Variants in PXDNL observed in about 807,000 individuals in gnomAD.
The protein encoded by PXDNL is peroxidasin like.
PXDNL carries 145 observed loss-of-function variants against 150.8 expected under a neutral mutation model. The observed-to-expected ratio is 0.96, with a 90% CI of 0.84 to 1.10. PXDNL has a LOEUF of 1.10. Ranked by LOEUF, PXDNL falls within the 50% of genes least tolerant of loss-of-function variation. The probability of loss-of-function intolerance (pLI) is 0.00; values close to 1 mark genes in which losing one functional copy is unlikely to be tolerated. For synonymous variants in PXDNL, 757 were observed against 725.7 expected (o/e 1.04, Z -0.69); for missense variants, 2,087 against 1,873.9 (o/e 1.11, Z -2.10).
chr8:51,700,136 A>G (rs1816221137), intron 1 of PXDNL, among the ~76,000 whole-genome samples: 1 of 151,142 alleles, frequency 6.6e-6, no homozygotes, highest in Non-Finnish European at 1.5e-5. Flanking sequence ...AATGCAATAA[A>G]GTGAAGTGCA....
intron 14 of PXDNL, among the ~76,000 whole-genome samples, chr8:51,420,765 T>C (rs983363229): frequency 6.6e-6 from 1 of 152,196 alleles, no homozygotes; most frequent in African/African-American, 2.4e-5. Flanking sequence ...ATCTTGACAC[T>C]GCAACATCCA....
At chr8:51,631,924 T>C (rs1281749186) in intron 2 of PXDNL, among the ~76,000 whole-genome samples, 1 of 151,916 alleles carries the variant, frequency 6.6e-6, no homozygotes, top group African/African-American at 2.4e-5. Flanking sequence ...AAGGTAGTAA[T>C]GGAGGAGAAG....
intron 3 of PXDNL, among the ~76,000 whole-genome samples, chr8:51,591,606 G>A (rs1259929088): frequency 6.6e-6 from 1 of 151,082 alleles, no homozygotes; most frequent in African/African-American, 2.4e-5. Context: ...GTATAAAAAT[G>A]TTCATTATCG....
chr8:51,581,249 G>A (rs568008293), intron 3 of PXDNL, among the ~76,000 whole-genome samples: 1 of 152,230 alleles, frequency 6.6e-6, no homozygotes, highest in Non-Finnish European at 1.5e-5. Flanking sequence ...ATGCTTGGGA[G>A]GCCAAGACGG....
rs1810652452 is a variant in PXDNL, at chr8:51,483,585, A to G, written c.524+58T>C. On this transcript the variant is annotated intron_variant, in intron 6 of 22. Coordinates refer to ENST00000356297, the MANE Select transcript of PXDNL (RefSeq NM_144651.5). ...AGAAGGCAACCAACCATTGTTTGGG[A>G]TGGATTTTGGAGGAAATTATAAAAG... 4 of 1,051,222 alleles carry G rather than the reference A, an allele frequency of 3.8e-6. No homozygotes were observed. In the Admixed American group the frequency reaches 6.5e-5, roughly 17 times the overall value. 65.1% of individuals were successfully genotyped at this position (1,051,222 alleles called of 1,614,324 possible). A position where few individuals can be genotyped will look rare whatever the true frequency, so the allele number is the denominator to read the frequency against.
Position 51,527,493 on chromosome 8 carries a change from G to A in PXDNL, c.381-27723C>T, listed in dbSNP as rs185012870. Among the ~76,000 whole-genome samples, 6 of 152,312 alleles carry A rather than the reference G, an allele frequency of 3.9e-5. No homozygotes were observed. The East Asian group carries it at 1.2e-3, about 29-fold the overall frequency. The stretch of plus-strand genomic sequence containing the variant: ...TGGCATTTCATGGTTGCCAAACACT[G>A]TTCCAGCTGCTTTATATGAAGTATC... On this transcript the variant is annotated intron_variant, in intron 4 of 22. Coordinates refer to ENST00000356297, the MANE Select transcript of PXDNL (RefSeq NM_144651.5).
intron 1 of PXDNL, among the ~76,000 whole-genome samples, chr8:51,760,423 A>G (rs547693695): frequency 6.6e-6 from 1 of 152,306 alleles, no homozygotes; most frequent in South Asian, 2.1e-4. Flanking sequence ...AAATATTCAG[A>G]GCACAGAAAT....
chr8:51,784,415 C>T (rs190231423), intron 1 of PXDNL, among the ~76,000 whole-genome samples: 5 of 152,190 alleles, frequency 3.3e-5, no homozygotes, highest in Admixed American at 6.5e-5. Context: ...ACCAGAATCT[C>T]GCTCATGAAC....
At chr8:51,631,827 T>G (rs1444453938) in intron 2 of PXDNL, among the ~76,000 whole-genome samples, 1 of 152,098 alleles carries the variant, frequency 6.6e-6, no homozygotes, top group Non-Finnish European at 1.5e-5. Flanking sequence ...TGAAGCTAAG[T>G]TGATATCAAT....
chr8:51,493,357 ACT>A (rs1810947321), intron 5 of PXDNL, among the ~76,000 whole-genome samples: 1 of 152,196 alleles, frequency 6.6e-6, no homozygotes, highest in South Asian at 2.1e-4. Flanking sequence ...AAAACTGGAA[ACT>A]CTAAAAATCA....
At chr8:51,523,746 T>C (rs1811708198) in intron 4 of PXDNL, among the ~76,000 whole-genome samples, 2 of 152,216 alleles carry the variant, frequency 1.3e-5, no homozygotes, top group South Asian at 4.1e-4. Flanking sequence ...GCAAGCATGA[T>C]CTTCCCCTTT....
At chr8:51,649,790 A>G (rs1020003838) in intron 2 of PXDNL, among the ~76,000 whole-genome samples, 18 of 152,004 alleles carry the variant, frequency 1.2e-4, no homozygotes, top group Non-Finnish European at 2.9e-5. Context: ...TGTTTTGCAG[A>G]TGAAACATTC....
chr8:51,809,273 G>T lies in PXDNL; in HGVS notation c.72C>A (p.Cys24Ter), dbSNP rs2037709752. 6.2e-7 allele frequency: 1 copy of T among 1,601,290 alleles called. No homozygotes were observed. The highest frequency in any genetic ancestry group is 1.7e-5 in the Admixed American group (1 of 57,378). ...TCTTAAAGCAAAGGCACCGGCTGGG[G>T]CAGGGCAACCCTGGCAGGCACCACC... ...LAGWCLPGLP[C>*]PSRCLCFKST... The change falls in exon 1 of 23, where the codon TGC (cysteine) becomes TGA (stop). Residue 24 changes from cysteine (C) to a stop codon, truncating the protein, a stop_gained. Transcript: ENST00000356297. LOFTEE classifies it high-confidence loss of function.
intron 17 of PXDNL, among the ~76,000 whole-genome samples, chr8:51,388,411 T>C (rs2977006): frequency 0.56 from 85,466 of 152,022 alleles, 27,935 homozygotes; most frequent in Non-Finnish European, 0.71. Flanking sequence ...TCTTTCCAAC[T>C]TGAGTTAGAC....
At chr8:51,361,286 C>A (rs555682521) in intron 19 of PXDNL, among the ~76,000 whole-genome samples, 14 of 152,238 alleles carry the variant, frequency 9.2e-5, no homozygotes, top group African/African-American at 3.4e-4. Context: ...ATGTCTGACC[C>A]AGTCAGACAG....
chr8:51,367,739 C>T (rs751623795), intron 19 of PXDNL, among the ~76,000 whole-genome samples: 21 of 152,052 alleles, frequency 1.4e-4, no homozygotes, highest in Admixed American at 2.6e-4. Context: ...AAAAAATGCA[C>T]GACAATGGAT....
At chr8:51,460,690 C>A (rs569724439) in intron 8 of PXDNL, among the ~76,000 whole-genome samples, 1 of 151,776 alleles carries the variant, frequency 6.6e-6, no homozygotes, top group African/African-American at 2.4e-5. Context: ...ACCACACCCC[C>A]ACAATGGACC....
intron 2 of PXDNL, among the ~76,000 whole-genome samples, chr8:51,610,800 A>G (rs1458670262): frequency 2.0e-5 from 3 of 152,102 alleles, no homozygotes; most frequent in Admixed American, 6.6e-5. Context: ...TGCTGGACAC[A>G]TTTCTCCATA....
Position 51,809,274 on chromosome 8 carries a change from C to G in PXDNL, c.71G>C (p.Cys24Ser), listed in dbSNP as rs1366438736. 3 of 1,600,218 alleles carry G rather than the reference C, an allele frequency of 1.9e-6. No individual in the cohort carries two copies. The highest frequency in any genetic ancestry group is 2.2e-5 in the South Asian group (2 of 88,902). The change falls in exon 1 of 23, where the codon TGC (cysteine) becomes TCC (serine). Residue 24 changes from cysteine to serine, a missense_variant. Physicochemically the swap from Cys to Ser is moderately radical, Grantham distance 112. Coordinates refer to ENST00000356297, the MANE Select transcript of PXDNL (RefSeq NM_144651.5). ...LAGWCLPGLP[C>S]PSRCLCFKST... ...CTTAAAGCAAAGGCACCGGCTGGGG[C>G]AGGGCAACCCTGGCAGGCACCACCC...
Sources: allele counts gnomAD v4.1 joint callset (sites outside exome capture counted in the v4.1 genomes callset), GRCh38; gene constraint gnomAD v4.1.1; transcripts MANE v1.5; gene names NCBI Gene and HGNC (gene_info 2026-07-23, HGNC 2026-07-21).